SNTB1: variants seen among roughly 807,000 people sequenced by gnomAD.
The protein encoded by SNTB1 is beta-1-syntrophin.
Under a neutral mutation model 48.9 loss-of-function variants are expected in SNTB1, and 36 were observed. The ratio of observed to expected loss-of-function variants is 0.74; its 90% CI spans 0.56 to 0.97. SNTB1 has a LOEUF of 0.97. Among genes scored for constraint, SNTB1 ranks in the 50% least tolerant of loss-of-function variants. The pLI is 0.00. For synonymous variants in SNTB1, 299 were observed against 294.6 expected, an observed-to-expected ratio of 1.01 and a Z score of -0.15; for missense variants, 786 against 703.4, an observed-to-expected ratio of 1.12 and a Z score of -1.33.
At chr8:120,629,242 T>C (rs921900067) in intron 3 of SNTB1, among the ~76,000 whole-genome samples, 6 of 152,180 alleles carry the variant, frequency 3.9e-5, no homozygotes, top group African/African-American at 1.2e-4. Flanking sequence ...TGAAGAAAAA[T>C]AATGTTAATA....
At chr8:120,705,868 C>T (rs948555196) in intron 1 of SNTB1, among the ~76,000 whole-genome samples, 3 of 152,102 alleles carry the variant, frequency 2.0e-5, no homozygotes, top group Non-Finnish European at 4.4e-5. Flanking sequence ...CTGTATAATG[C>T]GGAAAACAAT....
chr8:120,752,543 G>T (rs577088529), intron 1 of SNTB1, among the ~76,000 whole-genome samples: 8 of 151,978 alleles, frequency 5.3e-5, no homozygotes, highest in Non-Finnish European at 1.0e-4. Flanking sequence ...AATCAACCTA[G>T]AAACTCATCA....
intron 1 of SNTB1, among the ~76,000 whole-genome samples, chr8:120,695,773 G>A (rs1047690470): frequency 2.6e-5 from 4 of 152,076 alleles, no homozygotes; most frequent in Non-Finnish European, 5.9e-5. Flanking sequence ...ACAAGACAGA[G>A]GAGCAGTCAT....
chr8:120,782,281 TC>T (rs1374114227), intron 1 of SNTB1, among the ~76,000 whole-genome samples: 1 of 152,174 alleles, frequency 6.6e-6, no homozygotes, highest in African/African-American at 2.4e-5. Flanking sequence ...TCAAATGCAG[TC>T]ACCTTTTGAG....
intron 2 of SNTB1, among the ~76,000 whole-genome samples, chr8:120,664,486 T>C (rs1395996077): frequency 6.6e-6 from 1 of 152,198 alleles, no homozygotes; most frequent in Admixed American, 6.5e-5. Flanking sequence ...CATTATAAGA[T>C]TAGTTTGCAT....
At chr8:120,561,538 C>CAAT (rs1815660109) in intron 4 of SNTB1, among the ~76,000 whole-genome samples, 1 of 151,916 alleles carries the variant, frequency 6.6e-6, no homozygotes, top group Admixed American at 6.6e-5. Context: ...AATTATTTAG[C>CAAT]AGTCTTGGAG....
At chr8:120,652,404 A>G (rs1021807038) in intron 2 of SNTB1, among the ~76,000 whole-genome samples, 1 of 152,216 alleles carries the variant, frequency 6.6e-6, no homozygotes, top group Non-Finnish European at 1.5e-5. Flanking sequence ...ATTCTATTCC[A>G]GGAATAATTG....
At chr8:120,673,750 C>T (rs1817792014) in intron 2 of SNTB1, among the ~76,000 whole-genome samples, 1 of 138 alleles carries the variant, frequency 7.2e-3, no homozygotes. Context: ...CAATGTCCCT[C>T]CCAAAGGCCA....
Position 120,799,104 on chromosome 8 carries a change from T to C in SNTB1, c.571+12169A>G, listed in dbSNP as rs576424489. Among the ~76,000 whole-genome samples the C allele has an allele frequency of 1.3e-3, 197 of 152,124 alleles. 1 individual carries two copies. Among genetic ancestry groups the C allele is most frequent in the African/African-American group, 4.5e-3 (186 of 41,522 alleles). On this transcript the variant is annotated intron_variant, in intron 1 of 6. Coordinates refer to ENST00000517992, the MANE Select transcript of SNTB1 (RefSeq NM_021021.4). ...TACCGGCTTTCTCACTCACTTTCAA[T>C]TGGGACATGCTGAGCTCTAGAGGGA...
chr8:120,628,140 T>C (rs1044230016), intron 3 of SNTB1, among the ~76,000 whole-genome samples: 5 of 152,206 alleles, frequency 3.3e-5, no homozygotes, highest in Non-Finnish European at 7.3e-5. Context: ...GTGTTGTGTT[T>C]TTGTGTATTT....
At chr8:120,758,661 C>T (rs954481737) in intron 1 of SNTB1, among the ~76,000 whole-genome samples, 1 of 152,050 alleles carries the variant, frequency 6.6e-6, no homozygotes, top group African/African-American at 2.4e-5. Context: ...CCAGGCCAAA[C>T]CACAACATAG....
chr8:120,704,445 G>A (rs1006024184), intron 1 of SNTB1, among the ~76,000 whole-genome samples: 3 of 145,504 alleles, frequency 2.1e-5, no homozygotes, highest in Non-Finnish European at 4.4e-5. Flanking sequence ...AAAAGAACGA[G>A]ACTTTGTGTC....
chr8:120,703,627 G>C (rs978868261), intron 1 of SNTB1, among the ~76,000 whole-genome samples: 2 of 152,164 alleles, frequency 1.3e-5, no homozygotes, highest in Non-Finnish European at 2.9e-5. Context: ...AAAATGCTGA[G>C]GGCTTTGTGG....
intron 1 of SNTB1, among the ~76,000 whole-genome samples, chr8:120,746,335 A>G (rs915163966): frequency 6.6e-6 from 1 of 151,940 alleles, no homozygotes; most frequent in Admixed American, 6.6e-5. Context: ...GTAAAAATAC[A>G]GTACATAATA....
chr8:120,675,445 A>T (rs557546472), intron 2 of SNTB1, among the ~76,000 whole-genome samples: 1 of 152,316 alleles, frequency 6.6e-6, no homozygotes, highest in South Asian at 2.1e-4. Context: ...TATGAAAATA[A>T]TATGCTGTAT....
At chr8:120,566,143 C>T (rs766405115) in intron 4 of SNTB1, among the ~76,000 whole-genome samples, 1 of 151,888 alleles carries the variant, frequency 6.6e-6, no homozygotes. Context: ...CTATTAAATA[C>T]AAAAATTAGC....
chr8:120,669,609 C>T lies in SNTB1; in HGVS notation c.788+24083G>A, dbSNP rs562439881. Among the ~76,000 whole-genome samples the T allele has an allele frequency of 2.2e-4, 19 of 88,186 alleles. 5 individuals are homozygous for T. In the East Asian group the frequency reaches 3.5e-3, roughly 16 times the overall value. The allele number at this position is 88,186 out of a possible 152,430, so 57.9% of individuals were successfully genotyped here. On this transcript the variant is annotated intron_variant, in intron 2 of 6. Coordinates refer to ENST00000517992, the MANE Select transcript of SNTB1 (RefSeq NM_021021.4). ...CTGGGACTACAGGCGCCTGCCACCGCGCCCGGCTAATTTTTTGTATTTTTA... is the reference window on the plus strand; with the variant it reads ...CTGGGACTACAGGCGCCTGCCACCGTGCCCGGCTAATTTTTTGTATTTTTA...
At chr8:120,793,184 G>C (rs1201364805) in intron 1 of SNTB1, among the ~76,000 whole-genome samples, 4 of 151,984 alleles carry the variant, frequency 2.6e-5, no homozygotes, top group African/African-American at 4.8e-5. Flanking sequence ...TGGGTGTGGA[G>C]AGTAAGTCTG....
intron 2 of SNTB1, among the ~76,000 whole-genome samples, chr8:120,663,240 C>T (rs371595150): frequency 6.6e-6 from 1 of 152,072 alleles, no homozygotes; most frequent in African/African-American, 2.4e-5. Context: ...TGTATAATGA[C>T]TAGAACAGTG....
Sources: allele counts gnomAD v4.1 joint callset (sites outside exome capture counted in the v4.1 genomes callset), GRCh38; gene constraint gnomAD v4.1.1; transcripts MANE v1.5; gene names NCBI Gene and HGNC (gene_info 2026-07-23, HGNC 2026-07-21).